The following SMARCC1 variants were observed in gnomAD, a reference collection of about 807,000 sequenced individuals.
SMARCC1 encodes the protein SWI/SNF complex subunit SMARCC1.
In SMARCC1, 43 loss-of-function variants were observed where a neutral mutation model predicts 147.4. The observed-to-expected ratio is 0.29, with a 90% CI of 0.23 to 0.38. The LOEUF (loss-of-function observed/expected upper bound fraction) is 0.38. Among genes scored for constraint, SMARCC1 ranks in the 10% least tolerant of loss-of-function variants. The pLI, the probability that SMARCC1 is intolerant of heterozygous loss-of-function variation, is 1.00. For synonymous variants in SMARCC1, 495 were observed against 484.4 expected, an observed-to-expected ratio of 1.02 and a Z score of -0.29; for missense variants, 1,119 against 1,381.1, an observed-to-expected ratio of 0.81 and a Z score of 3.01.
At chr3:47,747,299 TG>T (rs2034575020) in intron 2 of SMARCC1, among the ~76,000 whole-genome samples, 1 of 151,352 alleles carries the variant, frequency 6.6e-6, no homozygotes, top group South Asian at 2.1e-4. Flanking sequence ...TAGCCAGGCA[TG>T]GGGGGAGTGT....
chr3:47,688,002 G>A (rs576607028), intron 13 of SMARCC1, among the ~76,000 whole-genome samples: 5 of 152,276 alleles, frequency 3.3e-5, no homozygotes, highest in South Asian at 2.1e-4. Context: ...GCTCACACAT[G>A]TAATCCCAGC....
intron 19 of SMARCC1, chr3:47,663,619 C>A: frequency 6.7e-7 from 1 of 1,501,458 alleles, no homozygotes; most frequent in Non-Finnish European, 9.2e-7. Context: ...CCAGACATGG[C>A]GACTCCGGCC....
At position 47,701,338 on chromosome 3, in the gene SMARCC1, T is replaced by C. The variant is rs2033916163; in HGVS notation, c.1105A>G (p.Lys369Glu). The C allele has an allele frequency of 6.2e-7, 1 of 1,613,266 alleles. No homozygotes were observed. The highest frequency in any genetic ancestry group is 1.3e-5 in the African/African-American group (1 of 75,036). ...ACAGGTGTTGGGTCTTCCATATCCT[T>C]GGTTAGATCTTCTTGCTCATCTTCC... ...KEEDEQEDLT[K>E]DMEDPTPVPN... Residue 369 changes from lysine to glutamate, a missense_variant, in exon 11 of 28, where the codon AAG becomes GAG. By Grantham distance (56) the Lys-to-Glu change is moderately conservative. Transcript: ENST00000254480.
chr3:47,629,736 A>G (rs144661624), intron 24 of SMARCC1, among the ~76,000 whole-genome samples: 48 of 152,156 alleles, frequency 3.2e-4, no homozygotes, highest in Non-Finnish European at 5.3e-4. Flanking sequence ...GGCCCTCTAT[A>G]ATAGCCCAGC....
intron 1 of SMARCC1, among the ~76,000 whole-genome samples, chr3:47,779,636 T>C (rs2035017512): frequency 6.6e-6 from 1 of 152,134 alleles, no homozygotes. Context: ...TCAAACTGCT[T>C]TGTAGCCACT....
chr3:47,673,440 C>T (rs1263534220), intron 18 of SMARCC1, among the ~76,000 whole-genome samples: 1 of 136,368 alleles, frequency 7.3e-6, no homozygotes. Flanking sequence ...GTAATCAGAG[C>T]ACACCGGGAG....
At chr3:47,663,565 G>A in intron 19 of SMARCC1, 1 of 1,273,954 alleles carries the variant, frequency 7.8e-7, no homozygotes, top group South Asian at 1.4e-5. Context: ...GACAAACACA[G>A]CAAGACCCTG....
intron 21 of SMARCC1, among the ~76,000 whole-genome samples, chr3:47,660,006 G>A (rs1031375016): frequency 6.6e-6 from 1 of 152,064 alleles, no homozygotes; most frequent in African/African-American, 2.4e-5. Flanking sequence ...CAGGCTGGCA[G>A]TTTCTCAAAA....
chr3:47,605,742 T>C (rs1320667724), intron 26 of SMARCC1, among the ~76,000 whole-genome samples: 1 of 152,146 alleles, frequency 6.6e-6, no homozygotes, highest in East Asian at 1.9e-4. Context: ...CACTGCACTC[T>C]AGCCTGGGTG....
At chr3:47,616,836 T>G (rs2032652131) in intron 25 of SMARCC1, among the ~76,000 whole-genome samples, 1 of 152,280 alleles carries the variant, frequency 6.6e-6, no homozygotes, top group Non-Finnish European at 1.5e-5. Flanking sequence ...AAAAAAAGCT[T>G]TATATTTGAT....
chr3:47,778,217 C>CA lies in SMARCC1; in HGVS notation c.195+3385dup, dbSNP rs1340083473. Among the ~76,000 whole-genome samples the CA allele has an allele frequency of 4.7e-5, 6 of 127,936 alleles. No homozygotes were observed. In the East Asian group the frequency reaches 6.8e-4, roughly 14 times the overall value. 83.9% of individuals were successfully genotyped at this position (127,936 alleles called of 152,430 possible). A position where few individuals can be genotyped will look rare whatever the true frequency, so the allele number is the denominator to read the frequency against. Reference sequence around the variant, plus strand: ...AAAAAAAAAAACAAAAAACAAAAAACAAAAAAAACACTGACTCCTAATTAA... The same window carrying CA: ...AAAAAAAAAAACAAAAAACAAAAAACAAAAAAAAACACTGACTCCTAATTAA... On this transcript the variant is annotated intron_variant, in intron 1 of 27. Transcript: ENST00000254480.
At chr3:47,636,466 G>T in intron 22 of SMARCC1, among the ~76,000 whole-genome samples, 1 of 152,114 alleles carries the variant, frequency 6.6e-6, no homozygotes, top group Non-Finnish European at 1.5e-5. Context: ...AAAACAGGCC[G>T]GGCCGGGTGC....
At chr3:47,622,019 G>A (rs2032740746) in intron 25 of SMARCC1, among the ~76,000 whole-genome samples, 188 bp downstream of exon 25, 1 of 152,184 alleles carries the variant, frequency 6.6e-6, no homozygotes, top group Admixed American at 6.6e-5. Context: ...AGAGTTAACA[G>A]AGTGCCTTTT....
At chr3:47,765,735 A>ATT (rs796147596) in intron 2 of SMARCC1, among the ~76,000 whole-genome samples, 5 of 144,984 alleles carry the variant, frequency 3.4e-5, no homozygotes, top group Admixed American at 1.4e-4. Flanking sequence ...TTGCAAATTA[A>ATT]TTTTTTTTTT....
At position 47,612,827 on chromosome 3, in the gene SMARCC1, T is replaced by C. The variant is rs536464152; in HGVS notation, c.2782-2500A>G. Among the ~76,000 whole-genome samples the C allele has an allele frequency of 2.0e-5, 3 of 152,322 alleles. No individual in the cohort carries two copies. The East Asian group carries it at 5.8e-4, about 29-fold the overall frequency. ...CCAGTTTAAACCAAAAGTTCCAATGTGGGGCCAAACATGTCCTATGAGTTG... is the reference window on the plus strand; with the variant it reads ...CCAGTTTAAACCAAAAGTTCCAATGCGGGGCCAAACATGTCCTATGAGTTG... On this transcript the variant is annotated intron_variant, in intron 25 of 27. Transcript: ENST00000254480.
chr3:47,641,689 G>T (rs114154316), intron 21 of SMARCC1, among the ~76,000 whole-genome samples: 3 of 152,008 alleles, frequency 2.0e-5, no homozygotes, highest in Non-Finnish European at 4.4e-5. Flanking sequence ...ATAAAGACAC[G>T]TGAAAAAATA....
intron 9 of SMARCC1, among the ~76,000 whole-genome samples, chr3:47,708,083 C>CTTTTTTTCTTT (rs1559650534): frequency 2.6e-4 from 17 of 64,278 alleles, no homozygotes; most frequent in South Asian, 5.4e-4. Context: ...AATTTTTTTT[C>CTTTTTTTCTTT]TTTTTTTTTT....
intron 11 of SMARCC1, 23 bp downstream of exon 11, chr3:47,701,255 C>T (rs763653221): frequency 3.1e-6 from 5 of 1,605,110 alleles, no homozygotes. Flanking sequence ...AAATCTAACA[C>T]TCTCATGCAG....
At chr3:47,590,182 C>A (rs553208132) in intron 27 of SMARCC1, among the ~76,000 whole-genome samples, 1 of 152,230 alleles carries the variant, frequency 6.6e-6, no homozygotes, top group Non-Finnish European at 1.5e-5. Flanking sequence ...CCCCTGAATA[C>A]TACTTTCTTA....
Sources: gnomAD v4.1 joint callset for allele counts (sites outside exome capture counted in the v4.1 genomes callset) on GRCh38, gnomAD v4.1.1 for gene constraint, MANE v1.5 for transcripts, NCBI Gene and HGNC (gene_info 2026-07-23, HGNC 2026-07-21) for gene names.